The following RYR3 variants were observed in gnomAD, a reference collection of about 807,000 sequenced individuals.
RYR3 encodes ryanodine receptor 3.
A neutral mutation model predicts 584.3 loss-of-function variants in RYR3; 207 were observed. The observed-to-expected ratio is 0.35, with a 90% CI of 0.32 to 0.40. The LOEUF (loss-of-function observed/expected upper bound fraction) is 0.40, where lower values mean the gene tolerates loss of function less well. RYR3 is among the 10% of genes least tolerant of loss of function. The pLI, the probability that RYR3 is intolerant of heterozygous loss-of-function variation, is 1.00. For missense variants in RYR3, 5,616 were observed against 6,089.2 expected, an observed-to-expected ratio of 0.92 and a Z score of 2.59; for synonymous variants, 2,416 against 2,248.5, an observed-to-expected ratio of 1.07 and a Z score of -2.11.
chr15:33,832,248 C>T (rs1180820604), intron 86 of RYR3, among the ~76,000 whole-genome samples: 4 of 99,218 alleles, frequency 4.0e-5, no homozygotes, highest in African/African-American at 9.3e-5. Flanking sequence ...GAGCTGAGAT[C>T]GCGCCGCCGC....
intron 1 of RYR3, among the ~76,000 whole-genome samples, chr15:33,425,637 ATTTTTTTTTT>A (rs68182512): frequency 1.9e-4 from 23 of 121,816 alleles, no homozygotes; most frequent in African/African-American, 6.7e-4. Context: ...GAGACTCACA[ATTTTTTTTTT>A]TTTTTTTTTT....
At chr15:33,646,658 G>T in intron 29 of RYR3, 132 bp downstream of exon 29, 1 of 811,292 alleles carries the variant, frequency 1.2e-6, no homozygotes, top group Non-Finnish European at 1.9e-6. Flanking sequence ...AGGTAAAAAA[G>T]AAAATGAGAA....
intron 1 of RYR3, among the ~76,000 whole-genome samples, chr15:33,341,262 C>A (rs1038692832): frequency 6.6e-6 from 1 of 152,042 alleles, no homozygotes. Flanking sequence ...TGATCTCGAA[C>A]CTCTGACCTC....
chr15:33,436,471 A>T (rs1366683843), intron 1 of RYR3, among the ~76,000 whole-genome samples: 1 of 148,988 alleles, frequency 6.7e-6, no homozygotes, highest in Non-Finnish European at 1.5e-5. Flanking sequence ...CTTATGTGTT[A>T]CTTTATCTGC....
intron 1 of RYR3, among the ~76,000 whole-genome samples, chr15:33,446,896 G>C (rs1376237239): frequency 2.6e-5 from 4 of 152,154 alleles, no homozygotes; most frequent in Non-Finnish European, 5.9e-5. Flanking sequence ...GTTCTCCAAC[G>C]CCTTCACCAC....
At position 33,636,501 on chromosome 15, in the gene RYR3, C is replaced by T. The variant is rs374544548; in HGVS notation, c.3507C>T (p.Ile1169=). The T allele has an allele frequency of 1.1e-5, 18 of 1,611,704 alleles. No individual in the cohort carries two copies. Among genetic ancestry groups the T allele is most frequent in the Non-Finnish European group, 1.4e-5 (17 of 1,179,050 alleles). ...TCACACTGAATGGGGAGCTGCTGAT[C>T]ACCAACAAAGGCTCTGAACTTGCCT... ...MIFTLNGELL[I]TNKGSELAFA... The change falls in exon 27 of 104, where the codon ATC becomes ATT. Residue 1169 remains isoleucine (I), a synonymous_variant. Transcript: ENST00000634891.
At chr15:33,684,074 G>A (rs2064822673) in intron 38 of RYR3, among the ~76,000 whole-genome samples, 3 of 152,262 alleles carry the variant, frequency 2.0e-5, no homozygotes, top group African/African-American at 7.2e-5. Flanking sequence ...TGAACAAAAG[G>A]CAGCAGACAA....
At chr15:33,315,908 C>T (rs1041130841) in intron 1 of RYR3, among the ~76,000 whole-genome samples, 3 of 152,008 alleles carry the variant, frequency 2.0e-5, no homozygotes, top group African/African-American at 7.3e-5. Flanking sequence ...GCAATGCGGC[C>T]CACTGTATAA....
At chr15:33,740,736 C>T (rs1330176585) in intron 51 of RYR3, among the ~76,000 whole-genome samples, 2 of 152,190 alleles carry the variant, frequency 1.3e-5, no homozygotes, top group Admixed American at 6.5e-5. Flanking sequence ...GGAAAGTAAG[C>T]CTGAGCCTAT....
intron 52 of RYR3, 123 bp from the exon 53 acceptor site, chr15:33,745,945 A>G: frequency 1.4e-6 from 1 of 697,284 alleles, no homozygotes; most frequent in Non-Finnish European, 2.6e-6. Context: ...TTTTGAGGAG[A>G]ATTTCTAAGC....
chr15:33,819,870 G>T, intron 77 of RYR3, 63 bp downstream of exon 77: 2 of 1,330,494 alleles, frequency 1.5e-6, no homozygotes, highest in South Asian at 1.4e-5. Flanking sequence ...TTCTTTAGGC[G>T]CATGAAAATT....
chr15:33,669,262 G>T, intron 36 of RYR3, 92 bp from the exon 37 acceptor site: 5 of 815,656 alleles, frequency 6.1e-6, no homozygotes, highest in Non-Finnish European at 9.1e-6. Flanking sequence ...AAATAAATTT[G>T]AAAAGAATGT....
chr15:33,841,824 C>T, intron 90 of RYR3, 40 bp from the exon 91 acceptor site: 1 of 1,558,702 alleles, frequency 6.4e-7, no homozygotes, highest in Non-Finnish European at 8.7e-7. Context: ...CCAGACCGCC[C>T]TCCCGTCTGC....
intron 3 of RYR3, among the ~76,000 whole-genome samples, chr15:33,529,695 G>A (rs529453003): frequency 7.2e-5 from 11 of 152,280 alleles, no homozygotes; most frequent in African/African-American, 2.6e-4. Context: ...TTGCTGGTTA[G>A]CATGATGAAG....
chr15:33,521,461 T>A (rs2053978706), intron 3 of RYR3, among the ~76,000 whole-genome samples: 1 of 152,076 alleles, frequency 6.6e-6, no homozygotes, highest in Non-Finnish European at 1.5e-5. Flanking sequence ...AGAGAGAGGG[T>A]TAGCTGGATT....
intron 19 of RYR3, among the ~76,000 whole-genome samples, chr15:33,620,845 G>A (rs1161761829): frequency 6.6e-6 from 1 of 152,202 alleles, no homozygotes; most frequent in Non-Finnish European, 1.5e-5. Flanking sequence ...TGCCTGCTGA[G>A]GGCACAGGGA....
chr15:33,705,111 C>CTCTCTCTCTCTCTCTT lies in RYR3; in HGVS notation c.6484-1793_6484-1792insTTCTCTCTCTCTCTCT, dbSNP rs1198702981. On this transcript the variant is annotated intron_variant, in intron 42 of 103. Transcript: ENST00000634891. ...ATGCACACACACTCTTTCTCTCTCT[C>CTCTCTCTCTCTCTCTT]TCTCTCTCTCTCTCTCTCTCTCTCA... Among the ~76,000 whole-genome samples the CTCTCTCTCTCTCTCTT allele has an allele frequency of 1.9e-4, 19 of 101,606 alleles. 1 individual carries two copies. The highest frequency in any genetic ancestry group is 6.6e-4 in the African/African-American group (18 of 27,366). The allele number at this position is 101,606 out of a possible 152,430, so 66.7% of individuals were successfully genotyped here. A position where few individuals can be genotyped will look rare whatever the true frequency, so the allele number is the denominator to read the frequency against.
Position 33,311,628 on chromosome 15 carries a change from A to T in RYR3, c.51+532A>T, listed in dbSNP as rs1044188243. Among the ~76,000 whole-genome samples the T allele has an allele frequency of 1.3e-5, 2 of 152,162 alleles. No homozygotes were observed. The highest frequency in any genetic ancestry group is 4.8e-5 in the African/African-American group (2 of 41,442). ...GCAGGCGCTTGGTCCTAGCCCTGGG[A>T]TCGCTCGGAGGGGAATTCACCCAGC... On this transcript the variant is annotated intron_variant, in intron 1 of 103. Coordinates refer to ENST00000634891, the MANE Select transcript of RYR3 (RefSeq NM_001036.6). This position sits in a 1 kb window ranked among gnomAD's most constrained non-coding sequence, Gnocchi z 4.4.
chr15:33,616,697 A>G (rs537240354), intron 19 of RYR3, among the ~76,000 whole-genome samples: 1 of 152,336 alleles, frequency 6.6e-6, no homozygotes, highest in South Asian at 2.1e-4. Context: ...GCTAAAAAGC[A>G]GTGCCAGTGG....
Sources: allele counts gnomAD v4.1 joint callset (sites outside exome capture counted in the v4.1 genomes callset), GRCh38; gene constraint gnomAD v4.1.1; non-coding constraint Gnocchi (gnomAD v3.1); transcripts MANE v1.5; gene names NCBI Gene and HGNC (gene_info 2026-07-23, HGNC 2026-07-21).